The following PCDHGA9 variants were observed in gnomAD, a reference collection of about 807,000 sequenced individuals.
PCDHGA9 encodes the protein protocadherin gamma-A9.
Under a neutral mutation model 62.5 loss-of-function variants are expected in PCDHGA9, and 37 were observed. The observed-to-expected ratio is 0.59, with a 90% CI of 0.46 to 0.78. The LOEUF (loss-of-function observed/expected upper bound fraction) is 0.78. PCDHGA9 is among the 30% of genes least tolerant of loss of function. The pLI, the probability that PCDHGA9 is intolerant of heterozygous loss-of-function variation, is 0.00. For synonymous variants in PCDHGA9, 459 were observed against 484.6 expected, an observed-to-expected ratio of 0.95 and a Z score of 0.69; for missense variants, 1,138 against 1,166.2, an observed-to-expected ratio of 0.98 and a Z score of 0.35.
At chr5:141,484,589 C>T (rs2154580160) in intron 1 of PCDHGA9, among the ~76,000 whole-genome samples, 1 of 152,074 alleles carries the variant, frequency 6.6e-6, no homozygotes, top group African/African-American at 2.4e-5. Context: ...GGAAGCTACT[C>T]ATTTAGAATA....
In PCDHGA9 at chr5:141,489,201, G is replaced by A. The variant is rs757039294; in HGVS notation, c.2425-5606G>A. ...AGCCCTGGGTCTACCTTGGAGACAG[G>A]ACAGCACAGACTTACTCTCCACAAA... On this transcript the variant is annotated intron_variant, in intron 1 of 3. Coordinates refer to ENST00000573521, the MANE Select transcript of PCDHGA9 (RefSeq NM_018921.3). This position sits in a 1 kb window ranked among gnomAD's most constrained non-coding sequence, Gnocchi z 4.5. The A allele has an allele frequency of 7.8e-6, 11 of 1,416,092 alleles. No individual in the cohort carries two copies. In the African/African-American group the frequency reaches 1.3e-4, roughly 17 times the overall value. 87.7% of individuals were successfully genotyped at this position (1,416,092 alleles called of 1,614,324 possible).
chr5:141,500,498 C>T (rs1487770160), intron 2 of PCDHGA9, among the ~76,000 whole-genome samples: 5 of 152,120 alleles, frequency 3.3e-5, no homozygotes, highest in African/African-American at 7.2e-5. Context: ...CGTGAGCCAC[C>T]GCGCCTGGCC....
In PCDHGA9 at chr5:141,474,831, G is replaced by A. The variant is rs188288898; in HGVS notation, c.2425-19976G>A. On this transcript the variant is annotated intron_variant, in intron 1 of 3. Coordinates refer to ENST00000573521, the MANE Select transcript of PCDHGA9 (RefSeq NM_018921.3). ...CATCATTAATTGAGGCTTACTCTGTGCCAGGCACTTTACCTGCCTTCTTCA... is the reference window on the plus strand; with the variant it reads ...CATCATTAATTGAGGCTTACTCTGTACCAGGCACTTTACCTGCCTTCTTCA... 5.3e-5 allele frequency among the ~76,000 whole-genome samples: 8 copies of A among 152,350 alleles called. No individual in the cohort carries two copies. The East Asian group carries it at 1.5e-3, about 29-fold the overall frequency.
chr5:141,414,515 C>T, intron 1 of PCDHGA9: 1 of 1,613,958 alleles, frequency 6.2e-7, no homozygotes, highest in Non-Finnish European at 8.5e-7. Flanking sequence ...CTACAAGTGG[C>T]AGATATCAAT....
At chr5:141,497,540 C>T (rs866982821) in intron 2 of PCDHGA9, among the ~76,000 whole-genome samples, 5 of 134,944 alleles carry the variant, frequency 3.7e-5, no homozygotes, top group African/African-American at 1.1e-4. Context: ...TGCAACAAAC[C>T]TTTTTTTTTT....
At chr5:141,415,560 GT>G in intron 1 of PCDHGA9, 1 of 1,613,936 alleles carries the variant, frequency 6.2e-7, no homozygotes, top group Non-Finnish European at 8.5e-7. Flanking sequence ...ACGATCCTTT[GT>G]CTTTGTTAGA....
intron 1 of PCDHGA9, chr5:141,427,415 T>G: frequency 2.1e-6 from 1 of 465,414 alleles, no homozygotes; most frequent in Non-Finnish European, 4.3e-6. Context: ...CGAGAGAAAA[T>G]GGGGAGGTTA....
intron 1 of PCDHGA9, chr5:141,419,360 C>T (rs763624320): frequency 6.2e-7 from 1 of 1,613,818 alleles, no homozygotes; most frequent in South Asian, 1.1e-5. Flanking sequence ...GTCACGAACG[C>T]TGTCGTCCTA....
At chr5:141,419,741 A>G (rs769795920) in intron 1 of PCDHGA9, 1 of 1,613,856 alleles carries the variant, frequency 6.2e-7, no homozygotes. Context: ...CGAGGTGCGC[A>G]TGGTGCGTGC....
rs754268147 is a variant in PCDHGA9, at chr5:141,410,352, G to C, written c.2424+4976G>C. ...CTGGCCATTGCCTTGCGCCTGCGAC[G>C]CTCTCTCAGCCCTGCTACTTGGGAC... On this transcript the variant is annotated intron_variant, in intron 1 of 3. Coordinates refer to ENST00000573521, the MANE Select transcript of PCDHGA9 (RefSeq NM_018921.3). The C allele has an allele frequency of 6.2e-6, 10 of 1,614,022 alleles. No homozygotes were observed. In the South Asian group the frequency reaches 1.1e-4, roughly 18 times the overall value.
At chr5:141,409,620 A>C in intron 1 of PCDHGA9, 2 of 1,613,876 alleles carry the variant, frequency 1.2e-6, no homozygotes, top group Non-Finnish European at 1.7e-6. Flanking sequence ...TCCATTGCGC[A>C]AGTGAGCGCC....
chr5:141,419,454 T>A (rs1191326733), intron 1 of PCDHGA9: 1 of 1,612,786 alleles, frequency 6.2e-7, no homozygotes, highest in Non-Finnish European at 8.5e-7. Flanking sequence ...GAGCTCACGC[T>A]GCAGGCCCGC....
rs777925358 is a variant in PCDHGA9 at position 141,477,657 on chromosome 5, G to T, written c.2425-17150G>T. ...GTGGGTCGCTATTTCACAATAAATC[G>T]TGACAATGGCATAGTGTCATCCTTA... On this transcript the variant is annotated intron_variant, in intron 1 of 3. Transcript: ENST00000573521. This position sits in a 1 kb window ranked among gnomAD's most constrained non-coding sequence, Gnocchi z 4.9. 6.8e-6 allele frequency: 11 copies of T among 1,614,072 alleles called. No individual in the cohort carries two copies. Among genetic ancestry groups the T allele is most frequent in the South Asian group, 2.2e-5 (2 of 91,090 alleles).
chr5:141,419,258 C>G lies in PCDHGA9; in HGVS notation c.2424+13882C>G, dbSNP rs761740232. The G allele has an allele frequency of 2.5e-6, 4 of 1,614,028 alleles. No individual in the cohort carries two copies. The Admixed American group carries it at 6.7e-5, about 27-fold the overall frequency. ...GGTCCACGTGCCAGAAAACAACCAG[C>G]CGGGTGCCTCCATAGCGCAAGTCAG... On this transcript the variant is annotated intron_variant, in intron 1 of 3. Transcript: ENST00000573521.
At position 141,486,478 on chromosome 5, in the gene PCDHGA9, C is replaced by T; in HGVS notation, c.2425-8329C>T. The T allele has an allele frequency of 2.5e-6, 4 of 1,614,026 alleles. No homozygotes were observed. The highest frequency in any genetic ancestry group is 3.4e-6 in the Non-Finnish European group (4 of 1,179,854). On this transcript the variant is annotated intron_variant, in intron 1 of 3. Transcript: ENST00000573521. The surrounding 1 kb of genome is among the most constrained non-coding windows in gnomAD (Gnocchi z 5.0). ...CTTCTGATGCTGGGAACCCTCCTCT[C>T]AGTACCCACAGAACTATTTTCCTCA...
At chr5:141,423,695 G>T in intron 1 of PCDHGA9, 1 of 1,338,020 alleles carries the variant, frequency 7.5e-7, no homozygotes, top group Non-Finnish European at 9.7e-7. Context: ...AATTGTTGGT[G>T]TCTTGGCACA....
chr5:141,403,402 A>T lies in PCDHGA9; in HGVS notation c.450A>T (p.Ala150=). The T allele has an allele frequency of 6.2e-7, 1 of 1,614,076 alleles. No homozygotes were observed. The highest frequency in any genetic ancestry group is 8.5e-7 in the Non-Finnish European group (1 of 1,179,902). The change falls in exon 1 of 4, where the codon GCA becomes GCT. Residue 150 remains alanine, a synonymous_variant. Coordinates refer to ENST00000573521, the MANE Select transcript of PCDHGA9 (RefSeq NM_018921.3). ...VKINEIAVPG[A]RYPLPEAIDP... ...TTAACGAAATCGCGGTTCCTGGAGC[A>T]CGTTATCCACTTCCAGAAGCTATTG...
intron 1 of PCDHGA9, among the ~76,000 whole-genome samples, chr5:141,468,797 C>T (rs191599825): frequency 0.01 from 1,525 of 151,876 alleles, 28 homozygotes; most frequent in African/African-American, 0.035. Flanking sequence ...ACCCGGGAGG[C>T]GGAACTTGCA....
intron 1 of PCDHGA9, chr5:141,417,999 TG>T: frequency 6.2e-7 from 1 of 1,613,838 alleles, no homozygotes; most frequent in Non-Finnish European, 8.5e-7. Context: ...GGCTCGGTGG[TG>T]GGGAACCTCG....
Sources: gnomAD v4.1 joint callset for allele counts (sites outside exome capture counted in the v4.1 genomes callset) on GRCh38, gnomAD v4.1.1 for gene constraint, Gnocchi (gnomAD v3.1) non-coding constraint, MANE v1.5 for transcripts, NCBI Gene and HGNC (gene_info 2026-07-23, HGNC 2026-07-21) for gene names.